Variants in NRG3 observed in about 807,000 individuals in gnomAD.
The protein encoded by NRG3 is neuregulin 3, also known as pro-neuregulin-3, membrane-bound isoform.
Under a neutral mutation model 66.9 loss-of-function variants are expected in NRG3, and 31 were observed. That is an observed-to-expected ratio of 0.46 (90% CI 0.35 to 0.63). The LOEUF (loss-of-function observed/expected upper bound fraction) is 0.63. Ranked by LOEUF, NRG3 falls within the 20% of genes least tolerant of loss-of-function variation. NRG3 has a pLI of 0.00. For missense variants in NRG3, 910 were observed against 878.9 expected (o/e 1.04, Z -0.45); for synonymous variants, 393 against 359.4 (o/e 1.09, Z -1.06).
At chr10:82,667,096 C>G (rs992702534) in intron 2 of NRG3, among the ~76,000 whole-genome samples, 1 of 152,188 alleles carries the variant, frequency 6.6e-6, no homozygotes, top group Non-Finnish European at 1.5e-5. Context: ...TACGTCCATT[C>G]TCCTCACCTT....
intron 2 of NRG3, among the ~76,000 whole-genome samples, chr10:82,727,017 G>C (rs2057640278): frequency 6.6e-6 from 1 of 152,132 alleles, no homozygotes; most frequent in African/African-American, 2.4e-5. Flanking sequence ...TTGAACTTGA[G>C]AGAGATAATG....
intron 3 of NRG3, among the ~76,000 whole-genome samples, chr10:82,852,937 C>T (rs977810160): frequency 4.9e-4 from 75 of 152,282 alleles, no homozygotes; most frequent in African/African-American, 1.8e-3. Context: ...TCCTCCATTG[C>T]AGTCAACCCT....
intron 1 of NRG3, among the ~76,000 whole-genome samples, chr10:82,254,467 C>T (rs2077621374): frequency 2.0e-5 from 3 of 152,142 alleles, no homozygotes; most frequent in Non-Finnish European, 4.4e-5. Flanking sequence ...AGCTGATGAC[C>T]TCAGTGACAG....
chr10:82,078,077 C>T (rs1318905382), intron 1 of NRG3, among the ~76,000 whole-genome samples: 1 of 152,038 alleles, frequency 6.6e-6, no homozygotes, highest in African/African-American at 2.4e-5. Flanking sequence ...TTCTTTCTCT[C>T]TGTCTCTGTC....
chr10:82,919,062 A>AGT (rs71471761), intron 4 of NRG3, among the ~76,000 whole-genome samples: 5,867 of 141,782 alleles, frequency 0.041, 167 homozygotes, highest in African/African-American at 0.085. Flanking sequence ...ATAGGGGTGG[A>AGT]GTGTGTGTGT....
intron 1 of NRG3, among the ~76,000 whole-genome samples, chr10:82,078,609 C>G (rs557022580): frequency 9.2e-5 from 14 of 152,314 alleles, no homozygotes; most frequent in Admixed American, 2.0e-4. Context: ...CTTGGCCTCC[C>G]AAAGTGCTGG....
At chr10:82,609,273 G>A (rs1017050393) in intron 2 of NRG3, among the ~76,000 whole-genome samples, 6 of 152,074 alleles carry the variant, frequency 3.9e-5, no homozygotes, top group Admixed American at 1.3e-4. Context: ...AGAAAATAAC[G>A]TGATTCTATC....
intron 1 of NRG3, among the ~76,000 whole-genome samples, chr10:82,144,533 G>C (rs1196392613): frequency 6.6e-6 from 1 of 152,152 alleles, no homozygotes; most frequent in Non-Finnish European, 1.5e-5. Flanking sequence ...GTAACCTTTA[G>C]TTAAAAGAGA....
At chr10:82,180,426 G>A (rs1183380420) in intron 1 of NRG3, among the ~76,000 whole-genome samples, 3 of 151,606 alleles carry the variant, frequency 2.0e-5, no homozygotes, top group Non-Finnish European at 4.4e-5. Flanking sequence ...TCTATTCCTA[G>A]TTTGTTGAGT....
chr10:82,443,503 A>T (rs1480601716), intron 2 of NRG3, among the ~76,000 whole-genome samples: 1 of 152,206 alleles, frequency 6.6e-6, no homozygotes, highest in Non-Finnish European at 1.5e-5. Context: ...TTGACCAAAT[A>T]TCTCATCAAT....
intron 1 of NRG3, among the ~76,000 whole-genome samples, chr10:81,917,229 A>G (rs1030224479): frequency 6.6e-6 from 1 of 152,238 alleles, no homozygotes; most frequent in African/African-American, 2.4e-5. Flanking sequence ...GCCACTTTCT[A>G]TAAAGAGCCC....
intron 1 of NRG3, among the ~76,000 whole-genome samples, chr10:82,132,390 G>T (rs1334900091): frequency 7.1e-6 from 1 of 141,784 alleles, no homozygotes; most frequent in Non-Finnish European, 1.5e-5. Context: ...TAAATCCCAA[G>T]TGGTCATGAT....
chr10:82,646,046 C>A (rs2050906309), intron 2 of NRG3, among the ~76,000 whole-genome samples: 1 of 152,054 alleles, frequency 6.6e-6, no homozygotes, highest in African/African-American at 2.4e-5. Context: ...GTTCATATGA[C>A]ACTTGACATA....
At chr10:82,412,067 C>T (rs1391622249) in intron 2 of NRG3, among the ~76,000 whole-genome samples, 4 of 151,950 alleles carry the variant, frequency 2.6e-5, no homozygotes, top group East Asian at 3.9e-4. Context: ...CATGATTTTA[C>T]GTTTCATGTG....
chr10:82,720,805 T>TTATATATATATA lies in NRG3; in HGVS notation c.954-17768_954-17767insTATATATATATA, dbSNP rs1363560030. Among the ~76,000 whole-genome samples, 41 of 63,464 alleles carry TTATATATATATA rather than the reference T, an allele frequency of 6.5e-4. 1 individual carries two copies. Among genetic ancestry groups the TTATATATATATA allele is most frequent in the African/African-American group, 2.8e-3 (38 of 13,748 alleles). The allele number at this position is 63,464 out of a possible 152,430, so 41.6% of individuals were successfully genotyped here. The stretch of plus-strand genomic sequence containing the variant: ...AGTAAAACACATATATAGGAGTATT[T>TTATATATATATA]TATACATATATATATATATATATAT... On this transcript the variant is annotated intron_variant, in intron 2 of 8. Transcript: ENST00000372141.
chr10:82,275,843 T>C (rs1175351601), intron 1 of NRG3, among the ~76,000 whole-genome samples: 2 of 152,082 alleles, frequency 1.3e-5, no homozygotes, highest in Non-Finnish European at 2.9e-5. Flanking sequence ...GCTTTTACTT[T>C]AAGTTTAGGA....
intron 1 of NRG3, among the ~76,000 whole-genome samples, chr10:82,208,675 G>A (rs527408951): frequency 2.6e-5 from 4 of 151,712 alleles, no homozygotes; most frequent in South Asian, 2.1e-4. Context: ...CTACAGGAAC[G>A]TCAATTACAA....
intron 1 of NRG3, among the ~76,000 whole-genome samples, chr10:81,937,456 T>A (rs556623772): frequency 5.3e-4 from 81 of 152,210 alleles, no homozygotes; most frequent in Non-Finnish European, 9.4e-4. Flanking sequence ...TTTTTAATAA[T>A]GGCCATGATA....
chr10:82,289,886 A>G (rs2079626362), intron 1 of NRG3, among the ~76,000 whole-genome samples: 1 of 152,192 alleles, frequency 6.6e-6, no homozygotes, highest in African/African-American at 2.4e-5. Flanking sequence ...GCCTCTAAGC[A>G]TTGTTAGGAC....
Sources: allele counts gnomAD v4.1 joint callset (sites outside exome capture counted in the v4.1 genomes callset), GRCh38; gene constraint gnomAD v4.1.1; transcripts MANE v1.5; gene names NCBI Gene and HGNC (gene_info 2026-07-23, HGNC 2026-07-21).